The following HS3ST3B1 variants were observed in gnomAD, a reference collection of about 807,000 sequenced individuals.
HS3ST3B1 encodes the protein heparan sulfate-glucosamine 3-sulfotransferase 3B1.
A neutral mutation model predicts 21.3 loss-of-function variants in HS3ST3B1; 13 were observed. The ratio of observed to expected loss-of-function variants is 0.61; its 90% CI spans 0.40 to 0.97. The LOEUF (loss-of-function observed/expected upper bound fraction) is 0.97, where lower values mean the gene tolerates loss of function less well. Among genes scored for constraint, HS3ST3B1 ranks in the 50% least tolerant of loss-of-function variants. The probability of loss-of-function intolerance (pLI) is 0.00; values close to 1 mark genes in which losing one functional copy is unlikely to be tolerated. For missense variants in HS3ST3B1, 459 were observed against 554.8 expected (o/e 0.83, Z 1.73); for synonymous variants, 234 against 254.8 (o/e 0.92, Z 0.78).
At chr17:14,318,959 C>T (rs1909578776) in intron 1 of HS3ST3B1, among the ~76,000 whole-genome samples, 1 of 152,128 alleles carries the variant, frequency 6.6e-6, no homozygotes, top group South Asian at 2.1e-4. Flanking sequence ...CTCATTTTAC[C>T]CAGATGGTGT....
At chr17:14,323,377 CCTATTT>C (rs1291115653) in intron 1 of HS3ST3B1, among the ~76,000 whole-genome samples, 1 of 152,100 alleles carries the variant, frequency 6.6e-6, no homozygotes, top group Non-Finnish European at 1.5e-5. Flanking sequence ...TTTAACAAGG[CCTATTT>C]CTATTCTGAA....
Position 14,301,223 on chromosome 17 carries a change from C to G in HS3ST3B1, c.-296C>G, listed in dbSNP as rs1003990915. On this transcript the variant is annotated 5_prime_UTR_variant, in exon 1 of 2. Coordinates refer to ENST00000360954, the MANE Select transcript of HS3ST3B1 (RefSeq NM_006041.3). Reference sequence around the variant, plus strand: ...GCGCGAGAGTGCAACGTCCTCCTGGCCCCGAGCGCGTCGTCGCGCCCCGGG... The same window carrying G: ...GCGCGAGAGTGCAACGTCCTCCTGGGCCCGAGCGCGTCGTCGCGCCCCGGG... The G allele has an allele frequency of 2.2e-6, 1 of 453,418 alleles. No individual in the cohort carries two copies. The highest frequency in any genetic ancestry group is 3.9e-6 in the Non-Finnish European group (1 of 258,274). The allele number at this position is 453,418 out of a possible 1,614,324, so 28.1% of individuals were successfully genotyped here.
chr17:14,338,900 G>T (rs950301390), intron 1 of HS3ST3B1, among the ~76,000 whole-genome samples: 3 of 152,140 alleles, frequency 2.0e-5, no homozygotes, highest in East Asian at 3.9e-4. Flanking sequence ...TCTTAATGGG[G>T]TGACAAGCCT....
In HS3ST3B1 at chr17:14,347,128, G is replaced by C. The variant is rs1030007206; in HGVS notation, c.*1482G>C. 1 of 152,216 alleles carries C rather than the reference G, an allele frequency of 6.6e-6. No individual in the cohort carries two copies. The highest frequency in any genetic ancestry group is 2.1e-4 in the South Asian group (1 of 4,830). 9.4% of individuals were successfully genotyped at this position (152,216 alleles called of 1,614,324 possible). On this transcript the variant is annotated 3_prime_UTR_variant, in exon 2 of 2. Transcript: ENST00000360954. The stretch of plus-strand genomic sequence containing the variant: ...AGTGGCCAAACAGCAAGAACTAAGA[G>C]TGGCCCTTGCAAAAAAAGGTTGGGA...
chr17:14,304,121 G>A (rs1340834638), intron 1 of HS3ST3B1: 1 of 152,178 alleles, frequency 6.6e-6, no homozygotes, highest in African/African-American at 2.4e-5. Context: ...GCCGACTTGC[G>A]CCCGGGGGCT....
intron 1 of HS3ST3B1, among the ~76,000 whole-genome samples, chr17:14,335,295 C>T (rs1210387013): frequency 1.3e-5 from 2 of 152,134 alleles, no homozygotes; most frequent in African/African-American, 4.8e-5. Flanking sequence ...GATGAGGAAG[C>T]TGAAGCCCAG....
At chr17:14,338,300 T>C (rs2142350633) in intron 1 of HS3ST3B1, among the ~76,000 whole-genome samples, 1 of 151,204 alleles carries the variant, frequency 6.6e-6, no homozygotes, top group African/African-American at 2.4e-5. Flanking sequence ...TAATTTTTTG[T>C]ATTTTAGTAG....
intron 1 of HS3ST3B1, among the ~76,000 whole-genome samples, chr17:14,326,921 C>CAAAAAAAAAAAAAAAAAAA (rs60800866): frequency 1.7e-5 from 1 of 60,484 alleles, no homozygotes; most frequent in Non-Finnish European, 3.6e-5. Context: ...AACTCTGTCT[C>CAAAAAAAAAAAAAAAAAAA]AAAAAAAAAA....
intron 1 of HS3ST3B1, among the ~76,000 whole-genome samples, chr17:14,321,286 G>A (rs546960088): frequency 6.6e-6 from 1 of 152,336 alleles, no homozygotes; most frequent in African/African-American, 2.4e-5. Flanking sequence ...AGAGGAGGCA[G>A]CCTATTGGAT....
chr17:14,313,077 T>TTG (rs71147856), intron 1 of HS3ST3B1, among the ~76,000 whole-genome samples: 124 of 142,132 alleles, frequency 8.7e-4, no homozygotes, highest in African/African-American at 2.7e-3. Flanking sequence ...CAGCTAATTA[T>TTG]TGTGTGTGTG....
intron 1 of HS3ST3B1, among the ~76,000 whole-genome samples, chr17:14,334,190 CG>C (rs1317161757): frequency 2.0e-5 from 3 of 151,482 alleles, no homozygotes; most frequent in African/African-American, 7.3e-5. Flanking sequence ...AAAGTTGAGG[CG>C]TAGTTGAAAA....
chr17:14,320,347 G>A (rs1156958920), intron 1 of HS3ST3B1, among the ~76,000 whole-genome samples: 1 of 152,106 alleles, frequency 6.6e-6, no homozygotes, highest in Non-Finnish European at 1.5e-5. Flanking sequence ...GAGTTCATGA[G>A]CAGACCAGGT....
At chr17:14,312,031 AC>A (rs1909320411) in intron 1 of HS3ST3B1, among the ~76,000 whole-genome samples, 1 of 152,216 alleles carries the variant, frequency 6.6e-6, no homozygotes, top group South Asian at 2.1e-4. Context: ...TTTGCATTTT[AC>A]TTTTCCAGGA....
At chr17:14,316,741 G>A (rs1334586050) in intron 1 of HS3ST3B1, among the ~76,000 whole-genome samples, 1 of 152,166 alleles carries the variant, frequency 6.6e-6, no homozygotes, top group East Asian at 1.9e-4. Context: ...TGTGGCCAAG[G>A]GGAACACTGA....
intron 1 of HS3ST3B1, among the ~76,000 whole-genome samples, chr17:14,332,989 C>T (rs1910067001): frequency 6.6e-6 from 1 of 151,790 alleles, no homozygotes; most frequent in South Asian, 2.1e-4. Context: ...TCCCTGCTCC[C>T]CAGGAAGAGC....
At chr17:14,343,973 T>C (rs1197240037) in intron 1 of HS3ST3B1, among the ~76,000 whole-genome samples, 3 of 151,670 alleles carry the variant, frequency 2.0e-5, no homozygotes, top group African/African-American at 4.8e-5. Context: ...CTCAACTCAC[T>C]GCAACCTCTG....
intron 1 of HS3ST3B1, among the ~76,000 whole-genome samples, chr17:14,338,913 C>T (rs6502345): frequency 0.99 from 150,742 of 152,272 alleles, 74,632 homozygotes; most frequent in Middle Eastern, 1. Flanking sequence ...ACAAGCCTGC[C>T]TTGCCCTTAG....
In HS3ST3B1 at chr17:14,301,935, G is replaced by A. The variant is rs750965007; in HGVS notation, c.417G>A (p.Gln139=). The A allele has an allele frequency of 4.3e-6, 7 of 1,609,990 alleles. No homozygotes were observed. Among genetic ancestry groups the A allele is most frequent in the Non-Finnish European group, 5.1e-6 (6 of 1,178,744 alleles). The change falls in exon 1 of 2, where the codon CAG becomes CAA. Residue 139 remains glutamine (Q), a synonymous_variant. Transcript: ENST00000360954. ...FSGSGSKQLP[Q]AIIIGVKKGG... is the part of the protein sequence containing the mutation. ...GGTCTGGGAGCAAGCAGCTGCCGCA[G>A]GCCATCATCATCGGCGTGAAGAAGG...
chr17:14,313,364 A>C (rs367869800), intron 1 of HS3ST3B1, among the ~76,000 whole-genome samples: 1 of 151,356 alleles, frequency 6.6e-6, no homozygotes, highest in East Asian at 1.9e-4. Context: ...TAGCCCTGCT[A>C]GTCACCACCC....
Sources: allele counts gnomAD v4.1 joint callset (sites outside exome capture counted in the v4.1 genomes callset), GRCh38; gene constraint gnomAD v4.1.1; transcripts MANE v1.5; gene names NCBI Gene and HGNC (gene_info 2026-07-23, HGNC 2026-07-21).